FBLN7: variants seen among roughly 807,000 people sequenced by gnomAD.
FBLN7 encodes fibulin-7.
FBLN7 carries 31 observed loss-of-function variants against 44.0 expected under a neutral mutation model. The observed-to-expected ratio is 0.70, with a 90% CI of 0.53 to 0.95. FBLN7 has a LOEUF of 0.95. Ranked by LOEUF, FBLN7 falls within the 40% of genes least tolerant of loss-of-function variation. FBLN7 has a pLI of 0.00. For missense variants in FBLN7, 573 were observed against 618.5 expected (o/e 0.93, Z 0.78); for synonymous variants, 262 against 253.4 (o/e 1.03, Z -0.32).
At chr2:112,191,961 T>G (rs1405859109), downstream of FBLN7, among the ~76,000 whole-genome samples, 2 of 152,196 alleles carry the variant, frequency 1.3e-5, no homozygotes, top group Non-Finnish European at 2.9e-5. Flanking sequence ...GTAATCAAAT[T>G]TCCCCTTTTA....
the FBLN7 span, among the ~76,000 whole-genome samples, chr2:112,221,862 C>A: frequency 6.6e-6 from 1 of 152,106 alleles, no homozygotes; most frequent in African/African-American, 2.4e-5. Flanking sequence ...CTATTTGTAA[C>A]ATTTCAGCCA....
downstream of FBLN7, chr2:112,189,554 A>G (rs892376214): frequency 6.6e-6 from 1 of 152,240 alleles, no homozygotes; most frequent in Non-Finnish European, 1.5e-5. Flanking sequence ...TCCACTCTGT[A>G]CTAAGAGTAA....
the FBLN7 span, chr2:112,213,775 C>CAAAAAAAAAAAAAA: frequency 4.2e-5 from 1 of 24,066 alleles, no homozygotes; most frequent in African/African-American, 2.0e-4. Flanking sequence ...GACTCCGTCT[C>CAAAAAAAAAAAAAA]AAAAAAAAAA....
chr2:112,200,269 C>T, the FBLN7 span, among the ~76,000 whole-genome samples: 6 of 152,116 alleles, frequency 3.9e-5, no homozygotes, highest in Non-Finnish European at 8.8e-5. Context: ...GATTCTCAAG[C>T]TTGGAAATAA....
At chr2:112,200,822 G>A in the FBLN7 span, among the ~76,000 whole-genome samples, 1 of 152,106 alleles carries the variant, frequency 6.6e-6, no homozygotes. Context: ...TTACAGGTGT[G>A]AGCCACCACA....
chr2:112,176,020 C>A, intron 4 of FBLN7, 181 bp downstream of exon 4: 1 of 651,194 alleles, frequency 1.5e-6, no homozygotes, highest in Non-Finnish European at 2.3e-6. Flanking sequence ...CTTGACAGAG[C>A]TTAGCTCTTT....
chr2:112,175,621 G>A, intron 3 of FBLN7, 93 bp from the exon 4 acceptor site: 2 of 1,494,712 alleles, frequency 1.3e-6, no homozygotes, highest in Non-Finnish European at 1.8e-6. Context: ...CTCCTACAAT[G>A]TAAAGGAAGT....
chr2:112,226,600 A>AAAAAAAAAAG, the FBLN7 span, among the ~76,000 whole-genome samples: 1 of 151,038 alleles, frequency 6.6e-6, no homozygotes, highest in Non-Finnish European at 1.5e-5. Context: ...AAAAAAAAAA[A>AAAAAAAAAAG]AAAAAGCTCA....
At chr2:112,166,043 CTTTGTTTTTGTT>C (rs370406560) in intron 3 of FBLN7, among the ~76,000 whole-genome samples, 2 of 152,110 alleles carry the variant, frequency 1.3e-5, no homozygotes, top group Admixed American at 6.5e-5. Context: ...AGAGAGAGGA[CTTTGTTTTTGTT>C]TTTGTTTTTG....
Position 112,184,199 on chromosome 2 carries a change from TC to T in FBLN7, c.809-997del, listed in dbSNP as rs961754280. The stretch of plus-strand genomic sequence containing the variant: ...ACAGGCCCACCTCCCCAGCTGGACT[TC>T]CCCCATGGAAACAGGACACAGAGGG... On this transcript the variant is annotated intron_variant, in intron 6 of 7. Coordinates refer to ENST00000331203, the MANE Select transcript of FBLN7 (RefSeq NM_153214.3). Among the ~76,000 whole-genome samples the T allele has an allele frequency of 3.9e-5, 6 of 152,006 alleles. No individual in the cohort carries two copies. In the East Asian group the frequency reaches 1.2e-3, roughly 29 times the overall value.
Position 112,185,193 on chromosome 2 carries a change from T to TA in FBLN7, c.809-7dup. 1 of 1,612,390 alleles carries TA rather than the reference T, an allele frequency of 6.2e-7. No homozygotes were observed. Among genetic ancestry groups the TA allele is most frequent in the Non-Finnish European group, 8.5e-7 (1 of 1,178,656 alleles). ...CGATTCTCACCTGTTGTATGTCCTG[T>TA]ATCTCAGATGTGGATGAATGTGTGG... On this transcript the variant is annotated splice_polypyrimidine_tract_variant and splice_region_variant and intron_variant, in intron 6 of 7. Transcript: ENST00000331203.
intron 4 of FBLN7, 30 bp from the exon 5 acceptor site, chr2:112,181,708 GC>G: frequency 7.3e-7 from 1 of 1,365,586 alleles, no homozygotes; most frequent in Non-Finnish European, 9.4e-7. Flanking sequence ...GTGCGCCAGG[GC>G]CCGGCACTGA....
chr2:112,190,421 T>G (rs774262368), downstream of FBLN7: 18 of 152,340 alleles, frequency 1.2e-4, no homozygotes, highest in African/African-American at 4.3e-4. Context: ...AGATTTGGTT[T>G]GTATAAGAAA....
intron 3 of FBLN7, among the ~76,000 whole-genome samples, chr2:112,168,268 G>A (rs138038522): frequency 2.6e-5 from 4 of 152,288 alleles, no homozygotes; most frequent in African/African-American, 4.8e-5. Flanking sequence ...GCCCACCTTC[G>A]GGATGCCTAC....
the FBLN7 span, among the ~76,000 whole-genome samples, chr2:112,240,786 A>G: frequency 1.3e-5 from 2 of 152,226 alleles, no homozygotes; most frequent in African/African-American, 4.8e-5. Flanking sequence ...AGCTAGCTAT[A>G]AACTCATTGC....
At chr2:112,186,598 C>G (rs1361375573) in intron 7 of FBLN7, among the ~76,000 whole-genome samples, 1 of 152,060 alleles carries the variant, frequency 6.6e-6, no homozygotes, top group East Asian at 1.9e-4. Flanking sequence ...CTAGATCATG[C>G]CATTGCACTC....
At chr2:112,185,401 C>G in intron 7 of FBLN7, 62 bp downstream of exon 7, 1 of 1,579,664 alleles carries the variant, frequency 6.3e-7, no homozygotes, top group Non-Finnish European at 8.6e-7. Flanking sequence ...GGGCTGGATG[C>G]TTCCTAGAGG....
intron 2 of FBLN7, among the ~76,000 whole-genome samples, chr2:112,160,782 G>T (rs1323439774): frequency 1.5e-5 from 2 of 131,464 alleles, no homozygotes; most frequent in South Asian, 2.5e-4. Context: ...AGACGCACAC[G>T]CACGCACACG....
chr2:112,155,713 C>T (rs773522087), intron 1 of FBLN7, among the ~76,000 whole-genome samples: 2 of 152,210 alleles, frequency 1.3e-5, no homozygotes, highest in Non-Finnish European at 2.9e-5. Flanking sequence ...AAGCAGCTGG[C>T]GCCTGTTGCC....
Sources: gnomAD v4.1 joint callset for allele counts (sites outside exome capture counted in the v4.1 genomes callset) on GRCh38, gnomAD v4.1.1 for gene constraint, MANE v1.5 for transcripts, NCBI Gene and HGNC (gene_info 2026-07-23, HGNC 2026-07-21) for gene names.